Variants in EHBP1 observed in about 807,000 individuals in gnomAD.
EHBP1 encodes the protein EH domain binding protein 1.
A neutral mutation model predicts 144.0 loss-of-function variants in EHBP1; 55 were observed. That is an observed-to-expected ratio of 0.38 (90% CI 0.31 to 0.48). EHBP1 has a LOEUF of 0.48. Ranked by LOEUF, EHBP1 falls within the 20% of genes least tolerant of loss-of-function variation. The pLI, the probability that EHBP1 is intolerant of heterozygous loss-of-function variation, is 0.98. For missense variants in EHBP1, 1,200 were observed against 1,364.2 expected, an observed-to-expected ratio of 0.88 and a Z score of 1.90; for synonymous variants, 469 against 472.7, an observed-to-expected ratio of 0.99 and a Z score of 0.10.
At chr2:62,909,220 C>A (rs2054017820) in intron 10 of EHBP1, among the ~76,000 whole-genome samples, 1 of 152,136 alleles carries the variant, frequency 6.6e-6, no homozygotes, top group African/African-American at 2.4e-5. Flanking sequence ...ACGCTGTCAC[C>A]TAGGCTGGAG....
chr2:62,720,683 A>G (rs2036140218), intron 2 of EHBP1, among the ~76,000 whole-genome samples: 3 of 152,212 alleles, frequency 2.0e-5, no homozygotes, highest in Admixed American at 2.0e-4. Context: ...GAAACTTTTT[A>G]TGGAATTAAT....
chr2:62,841,511 A>G (rs1205255987), intron 7 of EHBP1, among the ~76,000 whole-genome samples: 1 of 152,200 alleles, frequency 6.6e-6, no homozygotes, highest in Non-Finnish European at 1.5e-5. Flanking sequence ...AAAAAAATAA[A>G]GCAAAATTTA....
At chr2:62,695,940 T>TA (rs1401938456) in intron 1 of EHBP1, among the ~76,000 whole-genome samples, 1 of 151,938 alleles carries the variant, frequency 6.6e-6, no homozygotes, top group Non-Finnish European at 1.5e-5. Flanking sequence ...CTCAAACTCC[T>TA]GAGCTTAAGT....
intron 5 of EHBP1, among the ~76,000 whole-genome samples, chr2:62,825,564 A>T (rs187876378): frequency 3.3e-5 from 5 of 152,094 alleles, no homozygotes; most frequent in Admixed American, 3.3e-4. Context: ...CTGGGGAAGA[A>T]ATAAGACTCA....
At chr2:62,823,214 C>G (rs890120427) in intron 5 of EHBP1, among the ~76,000 whole-genome samples, 3 of 152,018 alleles carry the variant, frequency 2.0e-5, no homozygotes, top group African/African-American at 7.2e-5. Flanking sequence ...AGAACCTTTG[C>G]TTTAGGGATT....
chr2:62,745,277 TAATA>T (rs2039045413), intron 2 of EHBP1, among the ~76,000 whole-genome samples: 1 of 151,772 alleles, frequency 6.6e-6, no homozygotes, highest in Non-Finnish European at 1.5e-5. Flanking sequence ...GAGACAGAAA[TAATA>T]AATACTTACA....
intron 7 of EHBP1, among the ~76,000 whole-genome samples, chr2:62,856,312 C>G (rs1462482676): frequency 6.6e-6 from 1 of 152,204 alleles, no homozygotes; most frequent in African/African-American, 2.4e-5. Flanking sequence ...GCTGTGACTC[C>G]CGCTTTGGGG....
intron 2 of EHBP1, among the ~76,000 whole-genome samples, chr2:62,736,140 T>C (rs1239170135): frequency 3.3e-5 from 5 of 151,992 alleles, no homozygotes; most frequent in African/African-American, 7.2e-5. Flanking sequence ...GTATTTCTAT[T>C]ATGTGTAGTG....
intron 1 of EHBP1, among the ~76,000 whole-genome samples, chr2:62,678,919 GC>G (rs2033410666): frequency 6.6e-6 from 1 of 151,802 alleles, no homozygotes; most frequent in Non-Finnish European, 1.5e-5. Flanking sequence ...TTATTTTAAA[GC>G]CATGTTAATT....
chr2:62,907,038 C>T (rs2053862987), intron 10 of EHBP1, among the ~76,000 whole-genome samples: 1 of 152,174 alleles, frequency 6.6e-6, no homozygotes, highest in Non-Finnish European at 1.5e-5. Flanking sequence ...TAACCACTCA[C>T]CTGTTGAAGG....
chr2:62,743,626 G>T (rs2038912264), intron 2 of EHBP1, among the ~76,000 whole-genome samples: 1 of 152,064 alleles, frequency 6.6e-6, no homozygotes, highest in African/African-American at 2.4e-5. Context: ...TTTTTCTCAT[G>T]GCTTTTAAAG....
Position 62,707,119 on chromosome 2 carries a change from C to A in EHBP1, c.-73C>A. The A allele has an allele frequency of 8.4e-7, 1 of 1,188,166 alleles. No individual in the cohort carries two copies. Among genetic ancestry groups the A allele is most frequent in the Non-Finnish European group, 1.3e-6 (1 of 793,968 alleles). 73.6% of individuals were successfully genotyped at this position (1,188,166 alleles called of 1,614,324 possible). A position where few individuals can be genotyped will look rare whatever the true frequency, so the allele number is the denominator to read the frequency against. On this transcript the variant is annotated 5_prime_UTR_variant, in exon 2 of 23. Coordinates refer to ENST00000431489, the MANE Select transcript of EHBP1 (RefSeq NM_001142616.3). ...AAGACATACATGCAAAGTTCCTTTG[C>A]TTTGGACCCTCTGCATTATTAAAGC...
At chr2:62,823,512 T>TGTAG (rs1193827800) in intron 5 of EHBP1, among the ~76,000 whole-genome samples, 1 of 152,070 alleles carries the variant, frequency 6.6e-6, no homozygotes, top group African/African-American at 2.4e-5. Flanking sequence ...TAAGAAGGAC[T>TGTAG]GTAGGATCCA....
intron 2 of EHBP1, among the ~76,000 whole-genome samples, chr2:62,721,326 G>C (rs1370405694): frequency 1.3e-5 from 2 of 152,118 alleles, no homozygotes; most frequent in African/African-American, 4.8e-5. Context: ...CACATAATAT[G>C]ATATACCACA....
chr2:62,903,482 G>A (rs532495743), intron 10 of EHBP1, among the ~76,000 whole-genome samples: 1 of 152,252 alleles, frequency 6.6e-6, no homozygotes, highest in South Asian at 2.1e-4. Flanking sequence ...ACTGAGTCAG[G>A]CCAGGTGCAG....
At chr2:62,777,822 T>A (rs979289226) in intron 5 of EHBP1, among the ~76,000 whole-genome samples, 6 of 152,060 alleles carry the variant, frequency 3.9e-5, no homozygotes, top group Non-Finnish European at 8.8e-5. Flanking sequence ...AGGAAGTGGC[T>A]ACAGAGTTTA....
At chr2:62,810,405 G>A (rs569486852) in intron 5 of EHBP1, among the ~76,000 whole-genome samples, 1 of 152,328 alleles carries the variant, frequency 6.6e-6, no homozygotes, top group Admixed American at 6.5e-5. Context: ...TGACAGTAGA[G>A]ATGGGAAGAA....
intron 3 of EHBP1, among the ~76,000 whole-genome samples, chr2:62,750,872 G>A (rs2039633288): frequency 6.6e-6 from 1 of 152,174 alleles, no homozygotes; most frequent in Non-Finnish European, 1.5e-5. Context: ...ATTAGCTTAA[G>A]GAGATTTTGG....
At chr2:62,932,272 C>A (rs2056061069) in intron 10 of EHBP1, among the ~76,000 whole-genome samples, 1 of 151,666 alleles carries the variant, frequency 6.6e-6, no homozygotes, top group Non-Finnish European at 1.5e-5. Context: ...ATTTGCACAC[C>A]CATGTTCATA....
Sources: gnomAD v4.1 joint callset for allele counts (sites outside exome capture counted in the v4.1 genomes callset) on GRCh38, gnomAD v4.1.1 for gene constraint, MANE v1.5 for transcripts, NCBI Gene and HGNC (gene_info 2026-07-23, HGNC 2026-07-21) for gene names.